STPG2: variants seen among roughly 807,000 people sequenced by gnomAD.
The protein encoded by STPG2 is sperm-tail PG-rich repeat-containing protein 2.
A neutral mutation model predicts 54.2 loss-of-function variants in STPG2; 56 were observed. The ratio of observed to expected loss-of-function variants is 1.03; its 90% CI spans 0.83 to 1.29. The LOEUF is 1.29. Ranked by LOEUF, STPG2 falls within the 50% of genes most tolerant of loss-of-function variation. The pLI, the probability that STPG2 is intolerant of heterozygous loss-of-function variation, is 0.00. For synonymous variants in STPG2, 200 were observed against 181.8 expected, an observed-to-expected ratio of 1.10 and a Z score of -0.81; for missense variants, 596 against 544.9, an observed-to-expected ratio of 1.09 and a Z score of -0.93.
At chr4:97,906,858 G>C (rs1283590989) in intron 8 of STPG2, among the ~76,000 whole-genome samples, 2 of 152,072 alleles carry the variant, frequency 1.3e-5, no homozygotes, top group Non-Finnish European at 2.9e-5. Flanking sequence ...GTATTGATGG[G>C]ACGTATCTCA....
At chr4:97,992,182 G>A (rs1026038685) in intron 5 of STPG2, among the ~76,000 whole-genome samples, 12 of 152,116 alleles carry the variant, frequency 7.9e-5, no homozygotes, top group Admixed American at 3.3e-4. Flanking sequence ...CTAGGCTAAC[G>A]TCTAGAAGGG....
intron 8 of STPG2, among the ~76,000 whole-genome samples, chr4:97,867,617 T>C (rs549636356): frequency 1.4e-4 from 22 of 152,150 alleles, no homozygotes; most frequent in Admixed American, 1.4e-3. Flanking sequence ...AGAAGCCTTA[T>C]TACAGTATTG....
chr4:97,497,689 A>G (rs1360278750), intron 4 of STPG2, among the ~76,000 whole-genome samples: 1 of 151,904 alleles, frequency 6.6e-6, no homozygotes, highest in Non-Finnish European at 1.5e-5. Flanking sequence ...GGGTGGTAAT[A>G]CTGTAAGTGT....
At chr4:97,957,096 AGGTG>A (rs1733700056) in intron 7 of STPG2, among the ~76,000 whole-genome samples, 2 of 110,754 alleles carry the variant, frequency 1.8e-5, no homozygotes, top group Admixed American at 9.5e-5. Context: ...AAATATACAT[AGGTG>A]AAATATACAT....
intron 10 of STPG2, among the ~76,000 whole-genome samples, chr4:97,709,359 A>C (rs1241026061): frequency 6.6e-6 from 1 of 151,640 alleles, no homozygotes. Flanking sequence ...CATGTTCTGG[A>C]TTTATACATG....
At chr4:97,702,420 A>T (rs1330044093) in intron 10 of STPG2, among the ~76,000 whole-genome samples, 1 of 152,170 alleles carries the variant, frequency 6.6e-6, no homozygotes, top group Non-Finnish European at 1.5e-5. Flanking sequence ...TTTCAAGTGT[A>T]ACACACCTTC....
At chr4:97,469,035 T>C (rs1002415161) in intron 4 of STPG2, among the ~76,000 whole-genome samples, 13 of 152,068 alleles carry the variant, frequency 8.5e-5, no homozygotes, top group African/African-American at 2.7e-4. Flanking sequence ...TGTTGGTCTA[T>C]ACAATTGAAT....
chr4:97,870,990 A>G (rs1241057977), intron 8 of STPG2, among the ~76,000 whole-genome samples: 1 of 151,200 alleles, frequency 6.6e-6, no homozygotes, highest in Non-Finnish European at 1.5e-5. Context: ...GAAATAAAAC[A>G]AGAAATTTTA....
At chr4:98,114,404 T>C (rs910141941) in intron 3 of STPG2, among the ~76,000 whole-genome samples, 3 of 152,070 alleles carry the variant, frequency 2.0e-5, no homozygotes, top group Admixed American at 6.6e-5. Flanking sequence ...TGCTGGATAT[T>C]TTAGACATTG....
intron 8 of STPG2, among the ~76,000 whole-genome samples, chr4:97,841,753 T>C (rs1728808513): frequency 6.6e-6 from 1 of 151,850 alleles, no homozygotes; most frequent in Non-Finnish European, 1.5e-5. Context: ...TTACTAGCTA[T>C]GTGACCTTAA....
chr4:97,955,429 A>G (rs1419531563), intron 7 of STPG2, among the ~76,000 whole-genome samples: 1 of 151,874 alleles, frequency 6.6e-6, no homozygotes, highest in Non-Finnish European at 1.5e-5. Context: ...GTTAGCCAAA[A>G]TGGTCTCGAT....
intron 7 of STPG2, among the ~76,000 whole-genome samples, chr4:97,966,660 C>T (rs1734109847): frequency 6.6e-6 from 1 of 152,198 alleles, no homozygotes; most frequent in Non-Finnish European, 1.5e-5. Flanking sequence ...GCCCATCAGA[C>T]TAACAGCGGA....
At chr4:97,745,578 T>C (rs1210217711) in intron 9 of STPG2, among the ~76,000 whole-genome samples, 1 of 151,180 alleles carries the variant, frequency 6.6e-6, no homozygotes, top group Non-Finnish European at 1.5e-5. Flanking sequence ...GAAAGAGCTT[T>C]AGTAAAATTA....
intron 9 of STPG2, among the ~76,000 whole-genome samples, chr4:97,729,390 C>T (rs1724727952): frequency 6.6e-6 from 1 of 152,078 alleles, no homozygotes; most frequent in Admixed American, 6.6e-5. Flanking sequence ...ATTACTTTTG[C>T]ATCAATCTAA....
intron 8 of STPG2, among the ~76,000 whole-genome samples, chr4:97,881,315 T>C (rs1208248533): frequency 6.6e-6 from 1 of 152,158 alleles, no homozygotes; most frequent in African/African-American, 2.4e-5. Context: ...CACCCCTTAA[T>C]TTTCTCATCT....
intron 4 of STPG2, among the ~76,000 whole-genome samples, chr4:97,542,272 A>G (rs959373971): frequency 1.3e-5 from 2 of 152,230 alleles, no homozygotes; most frequent in Admixed American, 6.5e-5. Flanking sequence ...CAAATTCATA[A>G]GAAAGCAACA....
At chr4:97,806,592 T>C (rs1279481537) in intron 9 of STPG2, among the ~76,000 whole-genome samples, 1 of 152,076 alleles carries the variant, frequency 6.6e-6, no homozygotes. Flanking sequence ...CATGCCATCC[T>C]CTGCTGGGAA....
chr4:97,884,513 G>C (rs190502981), intron 8 of STPG2, among the ~76,000 whole-genome samples: 1 of 152,132 alleles, frequency 6.6e-6, no homozygotes, highest in Non-Finnish European at 1.5e-5. Flanking sequence ...CAAGAAGAGA[G>C]GTCTTAGAAG....
intron 4 of STPG2, among the ~76,000 whole-genome samples, chr4:97,512,285 C>A (rs1200491561): frequency 6.6e-6 from 1 of 151,968 alleles, no homozygotes; most frequent in Admixed American, 6.6e-5. Flanking sequence ...AAAGAACTAC[C>A]AGGACTACAT....
Sources: gnomAD v4.1 joint callset for allele counts (sites outside exome capture counted in the v4.1 genomes callset) on GRCh38, gnomAD v4.1.1 for gene constraint, MANE v1.5 for transcripts, NCBI Gene and HGNC (gene_info 2026-07-23, HGNC 2026-07-21) for gene names.